TADA3: variants seen among roughly 807,000 people sequenced by gnomAD.
TADA3 encodes the protein transcriptional adapter 3.
In TADA3, 25 loss-of-function variants were observed where a neutral mutation model predicts 43.2. The observed-to-expected ratio is 0.58, with a 90% CI of 0.42 to 0.81. The LOEUF (loss-of-function observed/expected upper bound fraction) is 0.81. Ranked by LOEUF, TADA3 falls within the 30% of genes least tolerant of loss-of-function variation. The pLI is 0.00. For synonymous variants in TADA3, 235 were observed against 225.5 expected, an observed-to-expected ratio of 1.04 and a Z score of -0.38; for missense variants, 441 against 567.8, an observed-to-expected ratio of 0.78 and a Z score of 2.27.
At chr3:9,782,323 G>C (rs2078495209) in intron 8 of TADA3, among the ~76,000 whole-genome samples, 1 of 152,184 alleles carries the variant, frequency 6.6e-6, no homozygotes, top group South Asian at 2.1e-4. Context: ...TTTATTGACT[G>C]TGTGACCTTC....
chr3:9,792,644 C>G, upstream of TADA3: 2 of 1,230,304 alleles, frequency 1.6e-6, no homozygotes, highest in Non-Finnish European at 2.0e-6. Context: ...GGGCGGGAGG[C>G]GGAGCTTGGC....
At chr3:9,786,474 G>C (rs2078614563) in intron 6 of TADA3, among the ~76,000 whole-genome samples, 1 of 152,164 alleles carries the variant, frequency 6.6e-6, no homozygotes, top group East Asian at 1.9e-4. Context: ...GTGAGGGTGT[G>C]TCTAAGGTCA....
chr3:9,780,933 G>C (rs1219673225), intron 8 of TADA3, among the ~76,000 whole-genome samples: 1 of 152,122 alleles, frequency 6.6e-6, no homozygotes, highest in African/African-American at 2.4e-5. Flanking sequence ...GAGCCCAGGA[G>C]TTCGAGACCA....
chr3:9,785,082 C>G (rs946465237), intron 7 of TADA3, among the ~76,000 whole-genome samples: 7 of 152,178 alleles, frequency 4.6e-5, no homozygotes, highest in African/African-American at 1.7e-4. Context: ...GCCAACCATT[C>G]CCCTTCAGCA....
chr3:9,792,838 C>G, upstream of TADA3: 3 of 1,358,828 alleles, frequency 2.2e-6, no homozygotes, highest in Non-Finnish European at 2.8e-6. Flanking sequence ...GAGGCTGTGG[C>G]AAAGGTGACA....
At position 9,786,991 on chromosome 3, in the gene TADA3, G is replaced by C; in HGVS notation, c.810+15C>G. 1 of 1,608,322 alleles carries C rather than the reference G, an allele frequency of 6.2e-7. No individual in the cohort carries two copies. Among genetic ancestry groups the C allele is most frequent in the African/African-American group, 1.3e-5 (1 of 74,858 alleles). On this transcript the variant is annotated intron_variant, in intron 6 of 8. Coordinates refer to ENST00000301964, the MANE Select transcript of TADA3 (RefSeq NM_006354.5). ...CAAAGTAAATATGGTTCCTCTTTTG[G>C]GTTAGGCTGCTCACCTCCACCAGGG... is the stretch of plus-strand genomic sequence containing the variant.
upstream of TADA3, chr3:9,792,718 A>G: frequency 8.1e-7 from 1 of 1,234,322 alleles, no homozygotes; most frequent in Non-Finnish European, 1.0e-6. Flanking sequence ...AGGAGGGGCG[A>G]GAGAAAGGAT....
At chr3:9,791,048 A>G (rs1191888381) in intron 2 of TADA3, among the ~76,000 whole-genome samples, 2 of 152,226 alleles carry the variant, frequency 1.3e-5, no homozygotes, top group African/African-American at 4.8e-5. Context: ...TGGGGTGCCA[A>G]TAAAAGCTTA....
At chr3:9,786,916 A>T in intron 6 of TADA3, 90 bp downstream of exon 6, 1 of 1,262,242 alleles carries the variant, frequency 7.9e-7, no homozygotes, top group East Asian at 2.3e-5. Flanking sequence ...CACCAACCTA[A>T]TAAATGTATG....
chr3:9,786,988 T>G lies in TADA3; in HGVS notation c.810+18A>C. 1 of 1,603,768 alleles carries G rather than the reference T, an allele frequency of 6.2e-7. No individual in the cohort carries two copies. The highest frequency in any genetic ancestry group is 8.5e-7 in the Non-Finnish European group (1 of 1,171,954). On this transcript the variant is annotated intron_variant, in intron 6 of 8. Coordinates refer to ENST00000301964, the MANE Select transcript of TADA3 (RefSeq NM_006354.5). ...ACACAAAGTAAATATGGTTCCTCTT[T>G]TGGGTTAGGCTGCTCACCTCCACCA...
At chr3:9,791,626 C>T (rs1237351903) in intron 1 of TADA3, 133 bp from the exon 2 acceptor site, 1 of 587,452 alleles carries the variant, frequency 1.7e-6, no homozygotes, top group Non-Finnish European at 3.0e-6. Flanking sequence ...ACAGTTCCTA[C>T]TCACAGGGCA....
upstream of TADA3, chr3:9,792,909 C>A (rs1264598427): frequency 7.1e-6 from 10 of 1,398,812 alleles, no homozygotes; most frequent in South Asian, 1.6e-4. Context: ...AATAGTGACT[C>A]GAGTGCAAGA....
intron 8 of TADA3, chr3:9,783,709 C>T (rs971924597): frequency 5.8e-5 from 12 of 205,770 alleles, no homozygotes; most frequent in South Asian, 2.1e-4. Flanking sequence ...ACCTGGGAGG[C>T]GGAGCTTGCA....
At chr3:9,780,667 A>T in intron 8 of TADA3, 118 bp from the exon 9 acceptor site, 1 of 1,052,926 alleles carries the variant, frequency 9.5e-7, no homozygotes, top group Non-Finnish European at 1.3e-6. Flanking sequence ...ATTGTGTCAT[A>T]CAGTCGTGAC....
rs58720000 is a variant in TADA3, at chr3:9,790,857, A to G, written c.207+403T>C. On this transcript the variant is annotated intron_variant, in intron 2 of 8. Transcript: ENST00000301964. Reference sequence around the variant, plus strand: ...AGCAATGCTAGCAAGCGCTTATGCCAGGATTCAAATCCAGGTTTCCCCATT... The same window carrying G: ...AGCAATGCTAGCAAGCGCTTATGCCGGGATTCAAATCCAGGTTTCCCCATT... 3.0e-3 allele frequency among the ~76,000 whole-genome samples: 453 copies of G among 152,358 alleles called. 1 individual carries two copies. The highest frequency in any genetic ancestry group is 0.01 in the African/African-American group (425 of 41,582).
Position 9,780,482 on chromosome 3 carries a change from T to C in TADA3, c.1174A>G (p.Met392Val). Residue 392 changes from methionine to valine, a missense_variant, in exon 9 of 9, where the codon ATG becomes GTG. By Grantham distance (21) the Met-to-Val change is conservative (BLOSUM62 1). Transcript: ENST00000301964. Reference sequence around the variant, plus strand: ...GCCATGATCTTGCGAAAGGCGTCCATGACCTCGTTGTCAGCCATGCGCACC... The same window carrying C: ...GCCATGATCTTGCGAAAGGCGTCCACGACCTCGTTGTCAGCCATGCGCACC... ...QRVRMADNEV[M>V]DAFRKIMAAR... 6.2e-7 allele frequency: 1 copy of C among 1,610,888 alleles called. No individual in the cohort carries two copies. The highest frequency in any genetic ancestry group is 8.5e-7 in the Non-Finnish European group (1 of 1,179,996).
rs1021943968 is a variant in TADA3 at position 9,791,132 on chromosome 3, T to G, written c.207+128A>C. The G allele has an allele frequency of 4.7e-6, 4 of 842,468 alleles. No homozygotes were observed. In the African/African-American group the frequency reaches 6.8e-5, roughly 14 times the overall value. The allele number at this position is 842,468 out of a possible 1,614,324, so 52.2% of individuals were successfully genotyped here. On this transcript the variant is annotated intron_variant, in intron 2 of 8. Transcript: ENST00000301964. ...ATTTTTTGTGTCATGCAAACCCAGTTTGCGTCTCTCTCCCTCTCCCCACAA... is the reference window on the plus strand; with the variant it reads ...ATTTTTTGTGTCATGCAAACCCAGTGTGCGTCTCTCTCCCTCTCCCCACAA...
chr3:9,787,790 C>G, intron 4 of TADA3: 1 of 1,093,274 alleles, frequency 9.1e-7, no homozygotes, highest in Non-Finnish European at 1.2e-6. Context: ...TGTGGCAGCA[C>G]AAAGGAGAGA....
At chr3:9,780,773 G>A (rs949489382) in intron 8 of TADA3, among the ~76,000 whole-genome samples, 11 of 152,140 alleles carry the variant, frequency 7.2e-5, no homozygotes, top group Non-Finnish European at 1.3e-4. Flanking sequence ...GTGCACATGT[G>A]GGGACAGGGA....
Sources: gnomAD v4.1 joint callset for allele counts (sites outside exome capture counted in the v4.1 genomes callset) on GRCh38, gnomAD v4.1.1 for gene constraint, MANE v1.5 for transcripts, NCBI Gene and HGNC (gene_info 2026-07-23, HGNC 2026-07-21) for gene names.